CHN1: variants seen among roughly 807,000 people sequenced by gnomAD.
CHN1 encodes the protein N-chimaerin.
A neutral mutation model predicts 59.5 loss-of-function variants in CHN1; 37 were observed. The observed-to-expected ratio is 0.62, with a 90% CI of 0.48 to 0.82. The LOEUF is 0.82. Ranked by LOEUF, CHN1 falls within the 40% of genes least tolerant of loss-of-function variation. CHN1 has a pLI of 0.00. For missense variants in CHN1, 469 were observed against 571.0 expected (o/e 0.82, Z 1.82); for synonymous variants, 206 against 200.4 (o/e 1.03, Z -0.24).
At chr2:174,812,540 C>T (rs1430154382) in intron 8 of CHN1, 58 bp from the exon 9 acceptor site, 16 of 1,569,616 alleles carry the variant, frequency 1.0e-5, no homozygotes, top group Non-Finnish European at 1.3e-5. Flanking sequence ...TTTGAGCATT[C>T]TGGAGTGTTA....
chr2:175,004,874 G>C lies in CHN1; in HGVS notation c.19+20C>G, dbSNP rs755370934. On this transcript the variant is annotated intron_variant, in intron 1 of 12. Transcript: ENST00000409900. ...GGACGCGGCCCACCTGCGGCGGCGC[G>C]GGGAGACGGCTGCACTTACCAAACA... 9 of 1,389,248 alleles carry C rather than the reference G, an allele frequency of 6.5e-6. No individual in the cohort carries two copies. Among genetic ancestry groups the C allele is most frequent in the Non-Finnish European group, 8.5e-6 (9 of 1,060,972 alleles). 86.1% of individuals were successfully genotyped at this position (1,389,248 alleles called of 1,614,324 possible). A position where few individuals can be genotyped will look rare whatever the true frequency, so the allele number is the denominator to read the frequency against.
chr2:174,878,084 T>G lies in CHN1; in HGVS notation c.305A>C (p.Lys102Thr). ...TRNFRLYYDG[K>T]HFVGEKRFES... ...AAAGCGTTTCTCCCCAACAAAGTGCTTGCCATCGTAGTAGAGCCTGAAGTT... is the reference window on the plus strand; with the variant it reads ...AAAGCGTTTCTCCCCAACAAAGTGCGTGCCATCGTAGTAGAGCCTGAAGTT... Residue 102 changes from lysine to threonine, a missense_variant, in exon 6 of 13, where the codon AAG becomes ACG. Transcript: ENST00000409900. 1 of 1,609,644 alleles carries G rather than the reference T, an allele frequency of 6.2e-7. No individual in the cohort carries two copies. Among genetic ancestry groups the G allele is most frequent in the East Asian group, 2.2e-5 (1 of 44,836 alleles).
At position 174,969,176 on chromosome 2, in the gene CHN1, G is replaced by A. The variant is rs188446885; in HGVS notation, c.20-16974C>T. ...CTGTTATTAATATTTACAGCTGATC[G>A]TGTTAAAACATAAATCAGAATATGC... is the stretch of plus-strand genomic sequence containing the variant. On this transcript the variant is annotated intron_variant, in intron 1 of 12. Coordinates refer to ENST00000409900, the MANE Select transcript of CHN1 (RefSeq NM_001822.7). 7.2e-5 allele frequency among the ~76,000 whole-genome samples: 11 copies of A among 152,270 alleles called. No homozygotes were observed. The East Asian group carries it at 1.5e-3, about 21-fold the overall frequency.
At chr2:174,813,899 G>T (rs1685155840) in intron 8 of CHN1, among the ~76,000 whole-genome samples, 1 of 152,140 alleles carries the variant, frequency 6.6e-6, no homozygotes, top group South Asian at 2.1e-4. Flanking sequence ...ATGCATTCAG[G>T]TGCTTTGAAT....
At chr2:174,919,176 C>G (rs1161248617) in intron 3 of CHN1, among the ~76,000 whole-genome samples, 1 of 152,162 alleles carries the variant, frequency 6.6e-6, no homozygotes, top group East Asian at 1.9e-4. Flanking sequence ...GGACACATTA[C>G]TGTATAAGAC....
chr2:174,980,198 T>C (rs1388388178), intron 1 of CHN1, among the ~76,000 whole-genome samples: 1 of 152,162 alleles, frequency 6.6e-6, no homozygotes, highest in Non-Finnish European at 1.5e-5. Flanking sequence ...CTGCTATCTC[T>C]AATTCACCCA....
At chr2:174,896,246 T>C (rs547461315) in intron 5 of CHN1, among the ~76,000 whole-genome samples, 1 of 152,270 alleles carries the variant, frequency 6.6e-6, no homozygotes, top group African/African-American at 2.4e-5. Context: ...TTAACTTCTC[T>C]ATGTATTAGA....
intron 4 of CHN1, among the ~76,000 whole-genome samples, chr2:174,918,134 A>G (rs1364407948): frequency 2.0e-5 from 3 of 152,120 alleles, no homozygotes; most frequent in Non-Finnish European, 4.4e-5. Flanking sequence ...GATAATACAT[A>G]CTATTTAAGA....
intron 1 of CHN1, among the ~76,000 whole-genome samples, chr2:174,969,812 T>C (rs1005812446): frequency 6.6e-6 from 1 of 152,170 alleles, no homozygotes; most frequent in African/African-American, 2.4e-5. Flanking sequence ...GATTTTTTTG[T>C]CATCTGTTGT....
At chr2:174,941,899 C>G (rs1387339422) in intron 3 of CHN1, among the ~76,000 whole-genome samples, 1 of 151,848 alleles carries the variant, frequency 6.6e-6, no homozygotes. Flanking sequence ...TTACTTAAGC[C>G]AAGAAGTATA....
intron 1 of CHN1, among the ~76,000 whole-genome samples, chr2:174,967,350 T>G (rs1440690290): frequency 6.6e-6 from 1 of 152,146 alleles, no homozygotes; most frequent in African/African-American, 2.4e-5. Context: ...AGTGAGATCC[T>G]GTCTCAAAAA....
At chr2:174,951,778 A>G (rs1305904402) in intron 2 of CHN1, among the ~76,000 whole-genome samples, 1 of 152,152 alleles carries the variant, frequency 6.6e-6, no homozygotes, top group Non-Finnish European at 1.5e-5. Context: ...CTTTCTATCA[A>G]CATAGCCTCC....
intron 3 of CHN1, among the ~76,000 whole-genome samples, chr2:174,921,373 T>C (rs1310828496): frequency 6.6e-6 from 1 of 152,200 alleles, no homozygotes; most frequent in Non-Finnish European, 1.5e-5. Flanking sequence ...ACTAGTTTTG[T>C]CTCCATGTGC....
chr2:174,816,720 G>A (rs1230996521), intron 8 of CHN1, among the ~76,000 whole-genome samples: 2 of 152,094 alleles, frequency 1.3e-5, no homozygotes, highest in Non-Finnish European at 2.9e-5. Context: ...TGATGTATAT[G>A]TTTTGTCCAG....
chr2:174,830,840 C>T lies in CHN1; in HGVS notation c.628-6322G>A, dbSNP rs189906521. On this transcript the variant is annotated intron_variant, in intron 7 of 12. Coordinates refer to ENST00000409900, the MANE Select transcript of CHN1 (RefSeq NM_001822.7). ...CGGGAGAATTTGCAGGGTCTTTCTG[C>T]GCCACATACTTAACCACACAAGTAG... Among the ~76,000 whole-genome samples the T allele has an allele frequency of 4.6e-5, 7 of 152,266 alleles. No homozygotes were observed. In the East Asian group the frequency reaches 7.7e-4, roughly 17 times the overall value.
intron 1 of CHN1, among the ~76,000 whole-genome samples, chr2:174,977,882 A>T (rs187445243): frequency 6.8e-4 from 103 of 152,318 alleles, no homozygotes; most frequent in Middle Eastern, 6.8e-3. Context: ...CCATTGCTAA[A>T]TCTGACTGGC....
At chr2:174,818,844 C>A (rs914192813) in intron 8 of CHN1, among the ~76,000 whole-genome samples, 1 of 152,038 alleles carries the variant, frequency 6.6e-6, no homozygotes, top group Non-Finnish European at 1.5e-5. Flanking sequence ...GGTTTTATAT[C>A]TAGAAAGCAC....
intron 6 of CHN1, chr2:174,847,732 C>T (rs2605292): frequency 1.3e-6 from 1 of 747,888 alleles, no homozygotes; most frequent in Non-Finnish European, 2.0e-6. Flanking sequence ...GTCTCTGTTT[C>T]TCCCTCCTCT....
intron 3 of CHN1, among the ~76,000 whole-genome samples, chr2:174,918,791 A>T (rs569923743): frequency 6.6e-4 from 100 of 152,322 alleles, no homozygotes; most frequent in African/African-American, 2.2e-3. Context: ...ATGTAGTTGG[A>T]CTAAACTATC....
Sources: gnomAD v4.1 joint callset for allele counts (sites outside exome capture counted in the v4.1 genomes callset) on GRCh38, gnomAD v4.1.1 for gene constraint, MANE v1.5 for transcripts, NCBI Gene and HGNC (gene_info 2026-07-23, HGNC 2026-07-21) for gene names.